QTMAN: variants seen among roughly 807,000 people sequenced by gnomAD.
QTMAN encodes queuosine-tRNA mannosyltransferase, also known as tRNA-queuosine alpha-mannosyltransferase.
chr2:144,300,860 A>G, the QTMAN span, among the ~76,000 whole-genome samples: 2 of 152,214 alleles, frequency 1.3e-5, no homozygotes. Context: ...ATTATATGTT[A>G]TCAGCTAAGG....
chr2:144,290,723 C>T, the QTMAN span, among the ~76,000 whole-genome samples: 2 of 152,204 alleles, frequency 1.3e-5, no homozygotes, highest in African/African-American at 4.8e-5. Context: ...GAATGCTCTC[C>T]TGGCAAATAT....
chr2:143,986,415 C>T, the QTMAN span, among the ~76,000 whole-genome samples: 1 of 152,150 alleles, frequency 6.6e-6, no homozygotes, highest in Non-Finnish European at 1.5e-5. Context: ...GGAGACGCTC[C>T]CCTCAAGGAA....
At chr2:144,297,999 C>T in the QTMAN span, among the ~76,000 whole-genome samples, 1 of 151,408 alleles carries the variant, frequency 6.6e-6, no homozygotes, top group South Asian at 2.1e-4. Context: ...AAAAGTATTA[C>T]GACTACATAG....
chr2:144,208,824 T>A, the QTMAN span: 2 of 1,448,366 alleles, frequency 1.4e-6, no homozygotes, highest in South Asian at 2.8e-5. Flanking sequence ...AACCAAAAAA[T>A]GTATATTTTT....
chr2:144,101,855 C>T, the QTMAN span, among the ~76,000 whole-genome samples: 2 of 152,108 alleles, frequency 1.3e-5, no homozygotes, highest in Non-Finnish European at 1.5e-5. Flanking sequence ...ATTATTCTTT[C>T]AATCATCTTT....
chr2:144,193,229 A>G, the QTMAN span, among the ~76,000 whole-genome samples: 33 of 152,152 alleles, frequency 2.2e-4, no homozygotes, highest in Non-Finnish European at 7.4e-5. Flanking sequence ...GATAATTCTT[A>G]CAGACATTTC....
chr2:144,139,292 T>C, the QTMAN span, among the ~76,000 whole-genome samples: 1 of 152,082 alleles, frequency 6.6e-6, no homozygotes, highest in Non-Finnish European at 1.5e-5. Context: ...AAGATAGTCC[T>C]CTATATTCAG....
the QTMAN span, among the ~76,000 whole-genome samples, chr2:144,036,570 T>C: frequency 1.3e-5 from 2 of 151,766 alleles, no homozygotes; most frequent in Non-Finnish European, 2.9e-5. Flanking sequence ...TAACACCATG[T>C]TGTACACCTT....
chr2:144,100,357 C>T, the QTMAN span, among the ~76,000 whole-genome samples: 1 of 152,190 alleles, frequency 6.6e-6, no homozygotes, highest in East Asian at 1.9e-4. Context: ...AGTTTTCTTG[C>T]TTGTGTATGC....
chr2:144,138,819 TAGA>T, the QTMAN span, among the ~76,000 whole-genome samples: 1 of 152,064 alleles, frequency 6.6e-6, no homozygotes, highest in Non-Finnish European at 1.5e-5. Flanking sequence ...CATAATTATC[TAGA>T]AGAAGGGAAA....
the QTMAN span, among the ~76,000 whole-genome samples, chr2:144,162,535 T>C: frequency 2.0e-5 from 3 of 151,954 alleles, no homozygotes; most frequent in Non-Finnish European, 2.9e-5. Context: ...AAGGTGCCTA[T>C]AGAATAAAGC....
At chr2:143,990,059 C>T in the QTMAN span, among the ~76,000 whole-genome samples, 3 of 152,038 alleles carry the variant, frequency 2.0e-5, no homozygotes, top group Non-Finnish European at 4.4e-5. Flanking sequence ...GGGGCTTGCA[C>T]ATGGGTATTT....
the QTMAN span, among the ~76,000 whole-genome samples, chr2:144,113,416 A>G: frequency 2.0e-5 from 3 of 147,378 alleles, no homozygotes; most frequent in Admixed American, 6.8e-5. Flanking sequence ...ACAACAGTGG[A>G]AAAAAAAAAA....
the QTMAN span, among the ~76,000 whole-genome samples, chr2:144,220,208 T>C: frequency 4.4e-4 from 67 of 152,288 alleles, no homozygotes; most frequent in African/African-American, 1.5e-3. Flanking sequence ...AAGAGGCATA[T>C]TATTAGCTAC....
chr2:143,988,396 A>T, the QTMAN span, among the ~76,000 whole-genome samples: 1 of 152,192 alleles, frequency 6.6e-6, no homozygotes, highest in Non-Finnish European at 1.5e-5. Context: ...GAGGATACCA[A>T]TGTGGCCATA....
chr2:144,097,911 A>G, the QTMAN span, among the ~76,000 whole-genome samples: 1 of 151,610 alleles, frequency 6.6e-6, no homozygotes, highest in Admixed American at 6.6e-5. Flanking sequence ...ATATTTCAAG[A>G]CTCTCTAGTT....
chr2:144,145,184 G>T, the QTMAN span, among the ~76,000 whole-genome samples: 1 of 148,616 alleles, frequency 6.7e-6, no homozygotes, highest in African/African-American at 2.5e-5. Flanking sequence ...TTACTTCTCT[G>T]TAAAACTCTA....
the QTMAN span, among the ~76,000 whole-genome samples, chr2:144,065,909 T>C: frequency 6.6e-6 from 1 of 152,176 alleles, no homozygotes; most frequent in African/African-American, 2.4e-5. Flanking sequence ...GGTTGAGATG[T>C]CCCAGGAATC....
chr2:144,248,565 C>T, the QTMAN span, among the ~76,000 whole-genome samples: 2 of 152,198 alleles, frequency 1.3e-5, no homozygotes, highest in Non-Finnish European at 2.9e-5. Flanking sequence ...AGCTGCACAA[C>T]CTGCTTTGTA....
Sources: gnomAD v4.1 joint callset for allele counts (sites outside exome capture counted in the v4.1 genomes callset) on GRCh38, gnomAD v4.1.1 for gene constraint, MANE v1.5 for transcripts, NCBI Gene and HGNC (gene_info 2026-07-23, HGNC 2026-07-21) for gene names.